Variants in ELK3 observed in about 807,000 individuals in gnomAD.
ELK3 encodes the protein ETS transcription factor ELK3.
ELK3 carries 10 observed loss-of-function variants against 28.9 expected under a neutral mutation model. The observed-to-expected ratio is 0.35, with a 90% CI of 0.21 to 0.59. The LOEUF (loss-of-function observed/expected upper bound fraction) is 0.59, where lower values mean the gene tolerates loss of function less well. Among genes scored for constraint, ELK3 ranks in the 20% least tolerant of loss-of-function variants. The pLI, the probability that ELK3 is intolerant of heterozygous loss-of-function variation, is 0.82. For missense variants in ELK3, 463 were observed against 517.3 expected (o/e 0.90, Z 1.02); for synonymous variants, 272 against 243.5 (o/e 1.12, Z -1.09).
intron 1 of ELK3, among the ~76,000 whole-genome samples, chr12:96,205,132 G>GT: frequency 6.6e-6 from 1 of 152,224 alleles, no homozygotes; most frequent in East Asian, 1.9e-4. Flanking sequence ...ATAAGTGAAT[G>GT]TTTACTAACC....
chr12:96,247,004 T>G lies in ELK3; in HGVS notation c.272T>G (p.Leu91Arg). 1 of 1,613,916 alleles carries G rather than the reference T, an allele frequency of 6.2e-7. No individual in the cohort carries two copies. The highest frequency in any genetic ancestry group is 1.1e-5 in the South Asian group (1 of 91,046). Reference protein sequence around the residue: ...VYKFVSFPEILKMDPHAVEIS... With the variant: ...VYKFVSFPEIRKMDPHAVEIS... ...AAGTTTGTCTCTTTCCCGGAGATCC[T>G]GAAGATGGATCCTCACGCGGTGGAG... The change falls in exon 3 of 5, where the codon CTG becomes CGG. Residue 91 changes from leucine (L) to arginine (R), a missense_variant. Physicochemically the swap from Leu to Arg is moderately radical, Grantham distance 102. Around this residue, in one of 2 missense-constraint regions of ELK3, gnomAD observed 408 missense variants for 414.8 expected, o/e 0.98. Coordinates refer to ENST00000228741, the MANE Select transcript of ELK3 (RefSeq NM_005230.4). The surrounding 1 kb of genome is among the most constrained non-coding windows in gnomAD (Gnocchi z 5.5).
rs902312255 is a variant in ELK3, at chr12:96,266,412, T to A, written c.1126-670T>A. ...TGGGATTGCAACTAACATATTTGTT[T>A]CAGACCTGAAACTCATTATCAGAGC... is the stretch of plus-strand genomic sequence containing the variant. On this transcript the variant is annotated intron_variant, in intron 4 of 4. Coordinates refer to ENST00000228741, the MANE Select transcript of ELK3 (RefSeq NM_005230.4). Among the ~76,000 whole-genome samples, 11 of 152,320 alleles carry A rather than the reference T, an allele frequency of 7.2e-5. No individual in the cohort carries two copies. In the South Asian group the frequency reaches 2.3e-3, roughly 32 times the overall value.
At chr12:96,227,402 C>T (rs569788001) in intron 2 of ELK3, among the ~76,000 whole-genome samples, 2 of 152,314 alleles carry the variant, frequency 1.3e-5, no homozygotes, top group African/African-American at 4.8e-5. Flanking sequence ...CTGCACATCC[C>T]TGGGTTTGTC....
At chr12:96,251,945 C>T (rs1176357529) in intron 3 of ELK3, among the ~76,000 whole-genome samples, 2 of 152,238 alleles carry the variant, frequency 1.3e-5, no homozygotes, top group Non-Finnish European at 2.9e-5. Context: ...CTACGTCAAA[C>T]AGCTTCACTG....
intron 2 of ELK3, among the ~76,000 whole-genome samples, chr12:96,246,489 CA>C (rs1951856167): frequency 6.6e-6 from 1 of 152,054 alleles, no homozygotes; most frequent in African/African-American, 2.4e-5. Context: ...ATGCTGTCTC[CA>C]CAAAAAATAA....
intron 2 of ELK3, among the ~76,000 whole-genome samples, chr12:96,229,576 G>A (rs1256967588): frequency 7.5e-6 from 1 of 133,842 alleles, no homozygotes; most frequent in African/African-American, 2.8e-5. Context: ...CTGTCGCCCA[G>A]GCTGGAGTGC....
intron 1 of ELK3, among the ~76,000 whole-genome samples, chr12:96,209,971 A>T (rs1951565412): frequency 6.6e-6 from 1 of 150,812 alleles, no homozygotes; most frequent in Non-Finnish European, 1.5e-5. Context: ...ACAACTTTTT[A>T]AGGTTTTGGC....
intron 1 of ELK3, among the ~76,000 whole-genome samples, chr12:96,217,193 G>C (rs1490738720): frequency 6.6e-6 from 1 of 152,260 alleles, no homozygotes; most frequent in Non-Finnish European, 1.5e-5. Context: ...TGAGGCTGCA[G>C]TGAGCCAAGA....
chr12:96,260,057 C>T (rs1951981902), intron 4 of ELK3, among the ~76,000 whole-genome samples: 1 of 152,104 alleles, frequency 6.6e-6, no homozygotes, highest in Non-Finnish European at 1.5e-5. Flanking sequence ...TGCCAGACAC[C>T]CATACGTGGA....
chr12:96,235,926 C>T (rs576730621), intron 2 of ELK3, among the ~76,000 whole-genome samples: 9 of 152,256 alleles, frequency 5.9e-5, no homozygotes, highest in East Asian at 1.9e-4. Flanking sequence ...CTCCTGGGTT[C>T]GAGCGATTCT....
At chr12:96,254,564 G>A (rs1263914484) in intron 3 of ELK3, among the ~76,000 whole-genome samples, 1 of 152,098 alleles carries the variant, frequency 6.6e-6, no homozygotes, top group Non-Finnish European at 1.5e-5. Context: ...GGAGCTGAGG[G>A]GCAAGATCGT....
chr12:96,235,131 G>A (rs866871775), intron 2 of ELK3, among the ~76,000 whole-genome samples: 1 of 151,950 alleles, frequency 6.6e-6, no homozygotes, highest in South Asian at 2.1e-4. Context: ...AGCTCTCGGC[G>A]GCCTCCAGGA....
At chr12:96,195,182 G>T (rs1371982380) in intron 1 of ELK3, among the ~76,000 whole-genome samples, 1 of 152,150 alleles carries the variant, frequency 6.6e-6, no homozygotes, top group Non-Finnish European at 1.5e-5. Flanking sequence ...CCGCAGTCAG[G>T]CTCCCCTCGA....
Position 96,259,829 on chromosome 12 carries a change from G to A in ELK3, c.1101G>A (p.Leu367=). The A allele has an allele frequency of 6.2e-7, 1 of 1,605,672 alleles. No individual in the cohort carries two copies. The highest frequency in any genetic ancestry group is 8.5e-7 in the Non-Finnish European group (1 of 1,176,952). Residue 367 remains leucine (L), a synonymous_variant, in exon 4 of 5, where the codon CTG becomes CTA. Transcript: ENST00000228741. The part of the protein sequence containing the change: ...SPVAPLSPAR[L]QGPSTLFQFP... ...TTGCTCCGCTGAGTCCTGCCAGGCT[G>A]CAAGGGCCAAGCACGCTGTTCCAGG... is the stretch of plus-strand genomic sequence containing the variant.
Position 96,223,615 on chromosome 12 carries a change from G to C in ELK3, c.49G>C (p.Asp17His). The C allele has an allele frequency of 5.0e-6, 8 of 1,614,148 alleles. No homozygotes were observed. Among genetic ancestry groups the C allele is most frequent in the Non-Finnish European group, 6.8e-6 (8 of 1,180,026 alleles). ...GCAGTTCCTGTTGCAGTTGCTGCTG[G>C]ATCAGAAACATGAGCATTTGATCTG... ...LWQFLLQLLL[D>H]QKHEHLICWT... The change falls in exon 2 of 5, where the codon GAT (aspartate) becomes CAT (histidine). Residue 17 changes from aspartate (D) to histidine (H), a missense_variant. Physicochemically the swap from Asp to His is moderately conservative, Grantham distance 81 (BLOSUM62 -1). This residue lies in a region of ELK3 where 55 missense variants were observed against 102.5 expected (regional missense o/e 0.54). Coordinates refer to ENST00000228741, the MANE Select transcript of ELK3 (RefSeq NM_005230.4).
In ELK3 at chr12:96,268,038, C is replaced by G. The variant is rs566475643; in HGVS notation, c.*858C>G. On this transcript the variant is annotated 3_prime_UTR_variant, in exon 5 of 5. Coordinates refer to ENST00000228741, the MANE Select transcript of ELK3 (RefSeq NM_005230.4). ...TTCAAAAAATTAGCCCTGGTTTTCT[C>G]AGTTTTCCATAGGGAATCCCGACCA... 2.6e-5 allele frequency: 4 copies of G among 152,310 alleles called. No individual in the cohort carries two copies. The South Asian group carries it at 8.3e-4, about 32-fold the overall frequency. The allele number at this position is 152,310 out of a possible 1,614,324, so 9.4% of individuals were successfully genotyped here. A position where few individuals can be genotyped will look rare whatever the true frequency, so the allele number is the denominator to read the frequency against.
rs923413551 is a variant in ELK3, at chr12:96,268,985, T to C, written c.*1805T>C. 4 of 123,148 alleles carry C rather than the reference T, an allele frequency of 3.2e-5. No individual in the cohort carries two copies. The Admixed American group carries it at 3.3e-4, about 10-fold the overall frequency. The allele number at this position is 123,148 out of a possible 1,614,324, so 7.6% of individuals were successfully genotyped here. A position where few individuals can be genotyped will look rare whatever the true frequency, so the allele number is the denominator to read the frequency against. ...AATTCTGTACCAGAATAAAAGGAGC[T>C]GGTCCAGGGAACTGATATTTACTGA... On this transcript the variant is annotated 3_prime_UTR_variant, in exon 5 of 5. Transcript: ENST00000228741.
At chr12:96,221,543 GCTGA>G (rs1951661906) in intron 1 of ELK3, among the ~76,000 whole-genome samples, 1 of 152,224 alleles carries the variant, frequency 6.6e-6, no homozygotes, top group Non-Finnish European at 1.5e-5. Flanking sequence ...ATATGTTAAA[GCTGA>G]CTGACTGACA....
In ELK3 at chr12:96,247,823, C is replaced by G; in HGVS notation, c.1002+89C>G. On this transcript the variant is annotated intron_variant, in intron 3 of 4. Transcript: ENST00000228741. This position sits in a 1 kb window ranked among gnomAD's most constrained non-coding sequence, Gnocchi z 5.5. ...CAACTAAAGAGACTTCCTTCTGTCC[C>G]TCAAAACGTTGTCCTATGACTCGTA... is the stretch of plus-strand genomic sequence containing the variant. 1.4e-6 allele frequency: 2 copies of G among 1,390,596 alleles called. No individual in the cohort carries two copies. The highest frequency in any genetic ancestry group is 3.0e-5 in the South Asian group (2 of 66,348). The allele number at this position is 1,390,596 out of a possible 1,614,324, so 86.1% of individuals were successfully genotyped here. A position where few individuals can be genotyped will look rare whatever the true frequency, so the allele number is the denominator to read the frequency against.
Sources: allele counts gnomAD v4.1 joint callset (sites outside exome capture counted in the v4.1 genomes callset), GRCh38; gene constraint gnomAD v4.1.1; regional missense constraint gnomAD v4.1.1; non-coding constraint Gnocchi (gnomAD v3.1); transcripts MANE v1.5; gene names NCBI Gene and HGNC (gene_info 2026-07-23, HGNC 2026-07-21).